Variants in RNF220 observed in about 807,000 individuals in gnomAD.
RNF220 encodes ring finger protein 220.
In RNF220, 7 loss-of-function variants were observed where a neutral mutation model predicts 67.1. The observed-to-expected ratio is 0.10, with a 90% CI of 0.06 to 0.20. The LOEUF is 0.20. Ranked by LOEUF, RNF220 falls within the 10% of genes least tolerant of loss-of-function variation. The pLI, the probability that RNF220 is intolerant of heterozygous loss-of-function variation, is 1.00. For missense variants in RNF220, 565 were observed against 740.3 expected (o/e 0.76, Z 2.75); for synonymous variants, 270 against 283.2 (o/e 0.95, Z 0.47).
At chr1:44,526,423 C>G (rs1660378353) in intron 2 of RNF220, among the ~76,000 whole-genome samples, 1 of 152,214 alleles carries the variant, frequency 6.6e-6, no homozygotes, top group Non-Finnish European at 1.5e-5. Context: ...TTCTCCCTCC[C>G]TAACCTTGGC....
chr1:44,594,663 C>G (rs576011955), intron 2 of RNF220, among the ~76,000 whole-genome samples: 1 of 152,286 alleles, frequency 6.6e-6, no homozygotes, highest in African/African-American at 2.4e-5. Context: ...GGCAGAGGAC[C>G]AGGAAGGTTA....
At chr1:44,532,418 T>C (rs1344668483) in intron 2 of RNF220, among the ~76,000 whole-genome samples, 1 of 152,202 alleles carries the variant, frequency 6.6e-6, no homozygotes, top group Non-Finnish European at 1.5e-5. Flanking sequence ...ATTTATTGAG[T>C]CCCCACTATA....
intron 2 of RNF220, among the ~76,000 whole-genome samples, chr1:44,554,409 C>G (rs1418661331): frequency 4.6e-5 from 7 of 151,994 alleles, no homozygotes; most frequent in Non-Finnish European, 7.4e-5. Context: ...GTCTTACTCC[C>G]CTAGCCTAGA....
At chr1:44,425,908 C>T (rs1379190110) in intron 2 of RNF220, among the ~76,000 whole-genome samples, 1 of 152,194 alleles carries the variant, frequency 6.6e-6, no homozygotes, top group Non-Finnish European at 1.5e-5. Context: ...AGCCCTCTGA[C>T]ATGCCATTCC....
chr1:44,414,018 C>G (rs780576045), intron 2 of RNF220, among the ~76,000 whole-genome samples: 15 of 152,212 alleles, frequency 9.9e-5, no homozygotes, highest in Admixed American at 2.0e-4. Flanking sequence ...AAATATGTTG[C>G]AAGTGTGTCT....
chr1:44,547,502 T>C (rs1426261967), intron 2 of RNF220, among the ~76,000 whole-genome samples: 1 of 152,104 alleles, frequency 6.6e-6, no homozygotes, highest in East Asian at 1.9e-4. Flanking sequence ...CTCCTGGTTC[T>C]CCTTGCAGAC....
intron 1 of RNF220, among the ~76,000 whole-genome samples, chr1:44,406,017 T>C (rs1647293122): frequency 2.0e-5 from 3 of 152,068 alleles, no homozygotes; most frequent in Admixed American, 2.0e-4. Flanking sequence ...TACCCCGCGT[T>C]GATTTCCGGC....
At position 44,648,091 on chromosome 1, in the gene RNF220, G is replaced by A. The variant is rs373912130; in HGVS notation, c.1446-1570G>A. 1.4e-4 allele frequency among the ~76,000 whole-genome samples: 22 copies of A among 152,330 alleles called. No homozygotes were observed. In the East Asian group the frequency reaches 3.9e-3, roughly 27 times the overall value. ...TGGGCTCTTGGGCCTCTTGGCCTCT[G>A]TTTCTGCTGTTCCCTTGGCCTGGAG... On this transcript the variant is annotated intron_variant, in intron 12 of 14. Transcript: ENST00000361799.
chr1:44,573,644 A>C (rs984754945), intron 2 of RNF220, among the ~76,000 whole-genome samples: 8 of 152,220 alleles, frequency 5.3e-5, no homozygotes, highest in African/African-American at 1.9e-4. Flanking sequence ...GAGGGGCTCA[A>C]GGATAGAGAT....
At chr1:44,515,028 T>G (rs1659342791) in intron 2 of RNF220, among the ~76,000 whole-genome samples, 2 of 152,282 alleles carry the variant, frequency 1.3e-5, no homozygotes, top group South Asian at 4.1e-4. Flanking sequence ...CTAGCAAGAC[T>G]GTTCCAGGGA....
chr1:44,419,113 G>A (rs934545517), intron 2 of RNF220, among the ~76,000 whole-genome samples: 2 of 152,134 alleles, frequency 1.3e-5, no homozygotes, highest in South Asian at 2.1e-4. Flanking sequence ...ATTTTATCCC[G>A]TCTTAAAGAG....
chr1:44,424,022 T>C, intron 2 of RNF220: 1 of 985,378 alleles, frequency 1.0e-6, no homozygotes, highest in Non-Finnish European at 1.2e-6. Context: ...ATCATCGCTC[T>C]ACATCCACGA....
chr1:44,536,687 C>T (rs1272959255), intron 2 of RNF220, among the ~76,000 whole-genome samples: 1 of 152,190 alleles, frequency 6.6e-6, no homozygotes, highest in Admixed American at 6.5e-5. Context: ...CGAAAAGGCC[C>T]CCCTCTGCTG....
chr1:44,650,904 A>C lies in RNF220; in HGVS notation c.*129A>C. 4 of 763,124 alleles carry C rather than the reference A, an allele frequency of 5.2e-6. No individual in the cohort carries two copies. Among genetic ancestry groups the C allele is most frequent in the Non-Finnish European group, 4.5e-6 (2 of 442,172 alleles). The allele number at this position is 763,124 out of a possible 1,614,324, so 47.3% of individuals were successfully genotyped here. A position where few individuals can be genotyped will look rare whatever the true frequency, so the allele number is the denominator to read the frequency against. Reference sequence around the variant, plus strand: ...TGTACATACATGCACATACTCAAACATGCGTACACACACACACATTTACAC... The same window carrying C: ...TGTACATACATGCACATACTCAAACCTGCGTACACACACACACATTTACAC... On this transcript the variant is annotated 3_prime_UTR_variant, in exon 15 of 15. Transcript: ENST00000361799. The surrounding 1 kb of genome is among the most constrained non-coding windows in gnomAD (Gnocchi z 4.3).
rs940477250 is a variant in RNF220, at chr1:44,421,473, C to T, written c.625+8751C>T. ...TATGTGAGACAAATCTGTGAACCTT[C>T]CCCCATCTGTGTGTGTCACAGTCCC... On this transcript the variant is annotated intron_variant, in intron 2 of 14. Transcript: ENST00000361799. Among the ~76,000 whole-genome samples the T allele has an allele frequency of 3.3e-5, 5 of 152,132 alleles. No individual in the cohort carries two copies. In the East Asian group the frequency reaches 9.7e-4, roughly 29 times the overall value.
At position 44,412,386 on chromosome 1, in the gene RNF220, C is replaced by T; in HGVS notation, c.289C>T (p.Pro97Ser). Reference sequence around the variant, plus strand: ...CCCCCCTTCTCTACTACACCTCCACCCTCAATTTGCTCCCCCAAATCTAGA... The same window carrying T: ...CCCCCCTTCTCTACTACACCTCCACTCTCAATTTGCTCCCCCAAATCTAGA... ...DFPPSLLHLH[P>S]QFAPPNLDCT... Residue 97 changes from proline to serine, a missense_variant, in exon 2 of 15, where the codon CCT becomes TCT. Pro to Ser is a moderately conservative substitution (Grantham distance 74). Transcript: ENST00000361799. This position sits in a 1 kb window ranked among gnomAD's most constrained non-coding sequence, Gnocchi z 5.3. The T allele has an allele frequency of 1.2e-6, 2 of 1,613,830 alleles. No homozygotes were observed. Among genetic ancestry groups the T allele is most frequent in the South Asian group, 2.2e-5 (2 of 91,056 alleles).
At chr1:44,449,094 AGGC>A (rs750329891) in intron 2 of RNF220, among the ~76,000 whole-genome samples, 2 of 152,202 alleles carry the variant, frequency 1.3e-5, no homozygotes, top group Non-Finnish European at 2.9e-5. Flanking sequence ...ATGTTTGGAG[AGGC>A]AGCATAACCT....
At chr1:44,541,713 C>A (rs564395461) in intron 2 of RNF220, among the ~76,000 whole-genome samples, 9 of 152,094 alleles carry the variant, frequency 5.9e-5, no homozygotes, top group Non-Finnish European at 8.8e-5. Context: ...TCAAGGCAGC[C>A]CAGGGCGCTG....
At chr1:44,427,305 C>T (rs998743463) in intron 2 of RNF220, among the ~76,000 whole-genome samples, 3 of 152,158 alleles carry the variant, frequency 2.0e-5, no homozygotes, top group African/African-American at 7.2e-5. Flanking sequence ...AAGAATAATA[C>T]TTGTATTTGT....
Sources: gnomAD v4.1 joint callset for allele counts (sites outside exome capture counted in the v4.1 genomes callset) on GRCh38, gnomAD v4.1.1 for gene constraint, Gnocchi (gnomAD v3.1) non-coding constraint, MANE v1.5 for transcripts, NCBI Gene and HGNC (gene_info 2026-07-23, HGNC 2026-07-21) for gene names.